Variants in KLHL6 observed in about 807,000 individuals in gnomAD.
The protein encoded by KLHL6 is kelch-like protein 6.
KLHL6 carries 41 observed loss-of-function variants against 58.6 expected under a neutral mutation model. The observed-to-expected ratio is 0.70, with a 90% CI of 0.55 to 0.91. KLHL6 has a LOEUF of 0.91. KLHL6 is among the 40% of genes least tolerant of loss of function. The pLI, the probability that KLHL6 is intolerant of heterozygous loss-of-function variation, is 0.00. For synonymous variants in KLHL6, 338 were observed against 322.7 expected (o/e 1.05, Z -0.51); for missense variants, 714 against 805.6 (o/e 0.89, Z 1.38).
chr3:183,506,865 TAAATAA>T (rs1718023360), intron 3 of KLHL6, among the ~76,000 whole-genome samples: 1 of 148,140 alleles, frequency 6.8e-6, no homozygotes, highest in South Asian at 2.1e-4. Flanking sequence ...AATAAATAAA[TAAATAA>T]ATAAAAGGAG....
At chr3:183,546,160 C>T (rs1712710577) in intron 1 of KLHL6, among the ~76,000 whole-genome samples, 1 of 152,316 alleles carries the variant, frequency 6.6e-6, no homozygotes, top group South Asian at 2.1e-4. Flanking sequence ...CACAGTTTTG[C>T]AGGGAGCAGA....
intron 2 of KLHL6, among the ~76,000 whole-genome samples, chr3:183,519,041 G>A (rs758599640): frequency 1.3e-5 from 2 of 152,178 alleles, no homozygotes; most frequent in Admixed American, 6.5e-5. Context: ...TGCCTTGATC[G>A]CCGAGCTGAA....
intron 2 of KLHL6, among the ~76,000 whole-genome samples, chr3:183,509,259 A>G (rs1021416302): frequency 3.3e-5 from 5 of 152,258 alleles, no homozygotes; most frequent in Non-Finnish European, 5.9e-5. Flanking sequence ...TTTGGTGCTA[A>G]TGAAACAATT....
rs373234058 is a variant in KLHL6 at position 183,541,687 on chromosome 3, AAAAC to A, written c.293+13670_293+13673del. On this transcript the variant is annotated intron_variant, in intron 1 of 6. Transcript: ENST00000341319. ...AGCCTCTAAAAAACACAAAACAACAAAAACAAACAAACAAAAAAACCAAAGGAAG... is the reference window on the plus strand; with the variant it reads ...AGCCTCTAAAAAACACAAAACAACAAAAACAAACAAAAAAACCAAAGGAAG... 4.2e-3 allele frequency among the ~76,000 whole-genome samples: 644 copies of A among 152,250 alleles called. 4 individuals carry two copies. The highest frequency in any genetic ancestry group is 0.015 in the African/African-American group (611 of 41,530).
intron 2 of KLHL6, 121 bp downstream of exon 2, chr3:183,527,724 G>A (rs546188008): frequency 1.6e-4 from 72 of 445,832 alleles, no homozygotes; most frequent in African/African-American, 2.3e-4. Context: ...GTTTGTGTGC[G>A]TGTGTGTGTG....
chr3:183,533,155 G>A (rs192963203), intron 1 of KLHL6, among the ~76,000 whole-genome samples: 6 of 152,144 alleles, frequency 3.9e-5, no homozygotes, highest in East Asian at 1.9e-4. Context: ...CCAAACGCTC[G>A]GACTTCCATC....
At position 183,489,964 on chromosome 3, in the gene KLHL6, T is replaced by C. The variant is rs1420952634; in HGVS notation, c.*1963A>G. On this transcript the variant is annotated 3_prime_UTR_variant, in exon 7 of 7. Coordinates refer to ENST00000341319, the MANE Select transcript of KLHL6 (RefSeq NM_130446.4). ...CCACACCGGATATGAAATAAAACTC[T>C]ATAAAGAGAATTGAAATCATATGAT... The C allele has an allele frequency of 6.6e-6, 1 of 152,194 alleles. No individual in the cohort carries two copies. The allele number at this position is 152,194 out of a possible 1,614,324, so 9.4% of individuals were successfully genotyped here. A position where few individuals can be genotyped will look rare whatever the true frequency, so the allele number is the denominator to read the frequency against.
chr3:183,506,191 C>T (rs190090436), intron 3 of KLHL6, among the ~76,000 whole-genome samples: 1 of 152,220 alleles, frequency 6.6e-6, no homozygotes, highest in Admixed American at 6.5e-5. Flanking sequence ...ACAAACTGTC[C>T]CTATATCATT....
rs530201490 is a variant in KLHL6 at position 183,487,645 on chromosome 3, A to G, written c.*4282T>C. 3.9e-5 allele frequency: 6 copies of G among 152,362 alleles called. No individual in the cohort carries two copies. The highest frequency in any genetic ancestry group is 1.4e-4 in the African/African-American group (6 of 41,588). 9.4% of individuals were successfully genotyped at this position (152,362 alleles called of 1,614,324 possible). A position where few individuals can be genotyped will look rare whatever the true frequency, so the allele number is the denominator to read the frequency against. On this transcript the variant is annotated 3_prime_UTR_variant, in exon 7 of 7. Transcript: ENST00000341319. ...TATTCTTAGTTTGATCACTTAAAACATACAACTTTATGTAACCAAAATGCT... is the reference window on the plus strand; with the variant it reads ...TATTCTTAGTTTGATCACTTAAAACGTACAACTTTATGTAACCAAAATGCT...
At chr3:183,524,897 C>T (rs1711898167) in intron 2 of KLHL6, among the ~76,000 whole-genome samples, 2 of 152,194 alleles carry the variant, frequency 1.3e-5, no homozygotes, top group African/African-American at 4.8e-5. Flanking sequence ...TTTTCTCTAC[C>T]TATAACCCTG....
chr3:183,510,267 G>C (rs919540413), intron 2 of KLHL6, among the ~76,000 whole-genome samples: 1 of 151,368 alleles, frequency 6.6e-6, no homozygotes, highest in Admixed American at 6.6e-5. Flanking sequence ...TCGATTAATG[G>C]GGGGAGAGGA....
chr3:183,542,408 A>C (rs1712582012), intron 1 of KLHL6, among the ~76,000 whole-genome samples: 1 of 149,790 alleles, frequency 6.7e-6, no homozygotes, highest in Non-Finnish European at 1.5e-5. Context: ...ATTTCAACCT[A>C]CTCTTCTACC....
At chr3:183,502,630 G>C (rs887238484) in intron 3 of KLHL6, among the ~76,000 whole-genome samples, 5 of 152,154 alleles carry the variant, frequency 3.3e-5, no homozygotes, top group African/African-American at 1.2e-4. Context: ...AGAAACTGAG[G>C]CTCCCAACCA....
intron 4 of KLHL6, among the ~76,000 whole-genome samples, 177 bp from the exon 5 acceptor site, chr3:183,494,458 G>A (rs1204548536): frequency 1.3e-5 from 2 of 152,178 alleles, no homozygotes; most frequent in Non-Finnish European, 2.9e-5. Flanking sequence ...CAAATGCAGG[G>A]GAACAGGGAG....
At chr3:183,531,452 T>TTTG (rs1553812197) in intron 1 of KLHL6, among the ~76,000 whole-genome samples, 2 of 134,368 alleles carry the variant, frequency 1.5e-5, no homozygotes, top group African/African-American at 5.8e-5. Flanking sequence ...TGTTTTTTTT[T>TTTG]TTTTTTTTTT....
chr3:183,502,372 T>C (rs1717890874), intron 3 of KLHL6, among the ~76,000 whole-genome samples: 1 of 152,010 alleles, frequency 6.6e-6, no homozygotes, highest in African/African-American at 2.4e-5. Context: ...TCTAAATCAT[T>C]GTGGTAGTGA....
Position 183,507,996 on chromosome 3 carries a change from G to C in KLHL6, c.909+63C>G, listed in dbSNP as rs902834403. On this transcript the variant is annotated intron_variant, in intron 3 of 6. Transcript: ENST00000341319. ...TTGAATCCGCTTTGCTTGCATCTCTGTGAGCCCCTAGCTAACTCCTTACTT... is the reference window on the plus strand; with the variant it reads ...TTGAATCCGCTTTGCTTGCATCTCTCTGAGCCCCTAGCTAACTCCTTACTT... The C allele has an allele frequency of 3.5e-6, 5 of 1,440,714 alleles. No homozygotes were observed. In the African/African-American group the frequency reaches 7.1e-5, roughly 20 times the overall value. The allele number at this position is 1,440,714 out of a possible 1,614,324, so 89.2% of individuals were successfully genotyped here.
chr3:183,518,062 C>T (rs1711620735), intron 2 of KLHL6, among the ~76,000 whole-genome samples: 2 of 152,166 alleles, frequency 1.3e-5, no homozygotes, highest in African/African-American at 4.8e-5. Context: ...TGCCACCATC[C>T]TATGAGGTCC....
At chr3:183,534,640 C>T (rs1161043316) in intron 1 of KLHL6, among the ~76,000 whole-genome samples, 3 of 151,882 alleles carry the variant, frequency 2.0e-5, no homozygotes, top group African/African-American at 4.8e-5. Flanking sequence ...TGGGCTCAGG[C>T]GATCCACCCA....
Sources: gnomAD v4.1 joint callset for allele counts (sites outside exome capture counted in the v4.1 genomes callset) on GRCh38, gnomAD v4.1.1 for gene constraint, MANE v1.5 for transcripts, NCBI Gene and HGNC (gene_info 2026-07-23, HGNC 2026-07-21) for gene names.